PREPL: variants seen among roughly 807,000 people sequenced by gnomAD.
PREPL encodes the protein prolyl endopeptidase-like.
In PREPL, 77 loss-of-function variants were observed where a neutral mutation model predicts 70.6. The ratio of observed to expected loss-of-function variants is 1.09; its 90% CI spans 0.91 to 1.32. PREPL has a LOEUF of 1.32. Among genes scored for constraint, PREPL ranks in the 40% most tolerant of loss-of-function variants. PREPL has a pLI of 0.00. For missense variants in PREPL, 1,002 were observed against 778.2 expected, an observed-to-expected ratio of 1.29 and a Z score of -3.42; for synonymous variants, 315 against 264.8, an observed-to-expected ratio of 1.19 and a Z score of -1.84.
intron 12 of PREPL, 83 bp from the exon 13 acceptor site, chr2:44,321,983 T>G: frequency 7.3e-7 from 1 of 1,366,042 alleles, no homozygotes. Flanking sequence ...CCCCTCTTCT[T>G]TGAGTACTCA....
rs1225523730 is a variant in PREPL at position 44,338,465 on chromosome 2, T to G, written c.774A>C (p.Thr258=). Residue 258 remains threonine (T), a synonymous_variant, in exon 7 of 14, where the codon ACA becomes ACC. Transcript: ENST00000409411. ...WDLFFTMKRN[T]KVIDLDMFKD... Reference sequence around the variant, plus strand: ...TAAACATGTCCAAGTCTATCACTTTTGTATTTCTCTTCATTGTAAAAAATA... The same window carrying G: ...TAAACATGTCCAAGTCTATCACTTTGGTATTTCTCTTCATTGTAAAAAATA... 6.2e-7 allele frequency: 1 copy of G among 1,612,854 alleles called. No individual in the cohort carries two copies. The highest frequency in any genetic ancestry group is 8.5e-7 in the Non-Finnish European group (1 of 1,179,494).
chr2:44,350,158 T>A (rs1676261647), intron 1 of PREPL, among the ~76,000 whole-genome samples: 1 of 152,112 alleles, frequency 6.6e-6, no homozygotes, highest in South Asian at 2.1e-4. Context: ...AAAATCAATC[T>A]TATTCTAAAA....
chr2:44,332,237 T>C (rs1674188435), intron 8 of PREPL, among the ~76,000 whole-genome samples: 1 of 152,112 alleles, frequency 6.6e-6, no homozygotes, highest in Non-Finnish European at 1.5e-5. Flanking sequence ...TGAGCCACCG[T>C]GCCCGGCCGA....
At chr2:44,348,328 T>C (rs1175606637) in intron 1 of PREPL, among the ~76,000 whole-genome samples, 1 of 152,246 alleles carries the variant, frequency 6.6e-6, no homozygotes, top group Non-Finnish European at 1.5e-5. Context: ...TCTGTATCAA[T>C]AATCCCCTCA....
chr2:44,353,728 AT>A (rs2104163601), intron 1 of PREPL, among the ~76,000 whole-genome samples: 1 of 152,342 alleles, frequency 6.6e-6, no homozygotes, highest in South Asian at 2.1e-4. Context: ...TGGTCAGTTG[AT>A]TTTCAGAAAG....
chr2:44,343,143 G>A (rs72804939), intron 4 of PREPL, among the ~76,000 whole-genome samples: 229 of 152,286 alleles, frequency 1.5e-3, no homozygotes, highest in Non-Finnish European at 2.7e-3. Flanking sequence ...ATATGTCTTA[G>A]AATTCAATAG....
Position 44,320,015 on chromosome 2 carries a change from G to C in PREPL, c.*1341C>G. On this transcript the variant is annotated 3_prime_UTR_variant, in exon 14 of 14. Transcript: ENST00000409411. ...CCAGACAAGCCGAAACCCCGAATTT[G>C]TCATTTCTATCAGTTTTTATATAAA... 1 of 600,112 alleles carries C rather than the reference G, an allele frequency of 1.7e-6. No individual in the cohort carries two copies. Among genetic ancestry groups the C allele is most frequent in the Non-Finnish European group, 2.9e-6 (1 of 341,808 alleles). The allele number at this position is 600,112 out of a possible 1,614,324, so 37.2% of individuals were successfully genotyped here.
Position 44,321,225 on chromosome 2 carries a change from TG to T in PREPL, c.*130del. 1.2e-6 allele frequency: 1 copy of T among 802,244 alleles called. No individual in the cohort carries two copies. Among genetic ancestry groups the T allele is most frequent in the South Asian group, 1.9e-5 (1 of 52,778 alleles). 49.7% of individuals were successfully genotyped at this position (802,244 alleles called of 1,614,324 possible). On this transcript the variant is annotated 3_prime_UTR_variant, in exon 14 of 14. Coordinates refer to ENST00000409411, the MANE Select transcript of PREPL (RefSeq NM_001171613.2). The stretch of plus-strand genomic sequence containing the variant: ...AGATGTAGACTAAGCAAAATTTAGA[TG>T]GAGAAGCACATTTTAAAAAATTAAT...
At chr2:44,332,793 G>C in intron 7 of PREPL, 137 bp from the exon 8 acceptor site, 1 of 639,372 alleles carries the variant, frequency 1.6e-6, no homozygotes, top group Non-Finnish European at 2.6e-6. Flanking sequence ...CTCATTCAAG[G>C]ATTACTTTAT....
chr2:44,321,265 C>G lies in PREPL; in HGVS notation c.*91G>C. ...TAAAAAATTAATAACTTAAAAGTCT[C>G]AAGTTATTAATTTTTTTTTTGCTAA... On this transcript the variant is annotated 3_prime_UTR_variant, in exon 14 of 14. Transcript: ENST00000409411. 9.0e-7 allele frequency: 1 copy of G among 1,109,280 alleles called. No individual in the cohort carries two copies. Among genetic ancestry groups the G allele is most frequent in the East Asian group, 2.5e-5 (1 of 39,414 alleles). 68.7% of individuals were successfully genotyped at this position (1,109,280 alleles called of 1,614,324 possible). A position where few individuals can be genotyped will look rare whatever the true frequency, so the allele number is the denominator to read the frequency against.
chr2:44,338,624 A>T, intron 6 of PREPL, 88 bp from the exon 7 acceptor site: 1 of 1,011,058 alleles, frequency 9.9e-7, no homozygotes, highest in Non-Finnish European at 1.4e-6. Context: ...ACTAGACCAT[A>T]CTAGTCCTCA....
chr2:44,332,577 A>G lies in PREPL; in HGVS notation c.968T>C (p.Ile323Thr). Reference protein sequence around the residue: ...KNCPFQLCSPIRPPKYYTYKF... With the variant: ...KNCPFQLCSPTRPPKYYTYKF... ...GTATGTGTAATATTTTGGGGGACGT[A>G]TTGGAGAGCAAAGTTGAAAGGGGCA... The change falls in exon 8 of 14, where the codon ATA becomes ACA. Residue 323 changes from isoleucine (I) to threonine (T), a missense_variant. Ile to Thr is a moderately conservative substitution (Grantham distance 89). Coordinates refer to ENST00000409411, the MANE Select transcript of PREPL (RefSeq NM_001171613.2). 6.2e-7 allele frequency: 1 copy of G among 1,613,904 alleles called. No homozygotes were observed. Among genetic ancestry groups the G allele is most frequent in the Non-Finnish European group, 8.5e-7 (1 of 1,179,756 alleles).
At chr2:44,330,330 T>C (rs951917836) in intron 8 of PREPL, among the ~76,000 whole-genome samples, 2 of 152,208 alleles carry the variant, frequency 1.3e-5, no homozygotes, top group African/African-American at 2.4e-5. Flanking sequence ...AGCGCTTCCA[T>C]TCAGCAGCTG....
chr2:44,346,783 CGCGTTTAGGAAGTA>C (rs2104030082), intron 1 of PREPL, among the ~76,000 whole-genome samples: 1 of 151,880 alleles, frequency 6.6e-6, no homozygotes, highest in African/African-American at 2.4e-5. Flanking sequence ...AAAAATCTTT[CGCGTTTAGGAAGTA>C]CTGAAGTACT....
At chr2:44,346,577 TAAAA>T (rs35182028) in intron 1 of PREPL, among the ~76,000 whole-genome samples, 187 bp from the exon 2 acceptor site, 1 of 152,104 alleles carries the variant, frequency 6.6e-6, no homozygotes, top group African/African-American at 2.4e-5. Flanking sequence ...TCTTTTTCGT[TAAAA>T]AAAGTAAACA....
rs199685360 is a variant in PREPL, at chr2:44,320,421, C to A, written c.*935G>T. ...AAATCTACATAATATGATTTCGGGC[C>A]TTCCCGCTAAAATGAGAATAAGGTT... is the stretch of plus-strand genomic sequence containing the variant. On this transcript the variant is annotated 3_prime_UTR_variant, in exon 14 of 14. Transcript: ENST00000409411. The A allele has an allele frequency of 3.1e-6, 5 of 1,614,008 alleles. No homozygotes were observed. The East Asian group carries it at 8.9e-5, about 29-fold the overall frequency.
chr2:44,323,219 C>T, intron 11 of PREPL, 43 bp downstream of exon 11: 2 of 1,495,340 alleles, frequency 1.3e-6, no homozygotes, highest in Non-Finnish European at 1.8e-6. Flanking sequence ...TTATTATCTT[C>T]TGTGTAAATT....
chr2:44,356,008 T>C (rs1167508971), intron 1 of PREPL, among the ~76,000 whole-genome samples: 1 of 152,158 alleles, frequency 6.6e-6, no homozygotes, highest in Non-Finnish European at 1.5e-5. Flanking sequence ...TCTGGATGGA[T>C]GGATGCTAGT....
chr2:44,345,983 T>A (rs2104016825), intron 2 of PREPL, among the ~76,000 whole-genome samples: 1 of 150,160 alleles, frequency 6.7e-6, no homozygotes, highest in African/African-American at 2.4e-5. Context: ...CTCTTGAAAT[T>A]TTTTTTTTTT....
Sources: allele counts gnomAD v4.1 joint callset (sites outside exome capture counted in the v4.1 genomes callset), GRCh38; gene constraint gnomAD v4.1.1; transcripts MANE v1.5; gene names NCBI Gene and HGNC (gene_info 2026-07-23, HGNC 2026-07-21).